NCKAP5: variants seen among roughly 807,000 people sequenced by gnomAD.
NCKAP5 encodes the protein NCK associated protein 5.
In NCKAP5, 92 loss-of-function variants were observed where a neutral mutation model predicts 167.0. That is an observed-to-expected ratio of 0.55 (90% CI 0.47 to 0.66). The LOEUF (loss-of-function observed/expected upper bound fraction) is 0.66, where lower values mean the gene tolerates loss of function less well. Ranked by LOEUF, NCKAP5 falls within the 30% of genes least tolerant of loss-of-function variation. The probability of loss-of-function intolerance (pLI) is 0.00; values close to 1 mark genes in which losing one functional copy is unlikely to be tolerated. For missense variants in NCKAP5, 2,378 were observed against 2,315.0 expected (o/e 1.03, Z -0.56); for synonymous variants, 891 against 877.4 (o/e 1.02, Z -0.27).
intron 6 of NCKAP5, among the ~76,000 whole-genome samples, chr2:133,015,406 C>T (rs1047158698): frequency 2.6e-5 from 4 of 151,796 alleles, no homozygotes; most frequent in Non-Finnish European, 5.9e-5. Flanking sequence ...TTTTTGGTCC[C>T]TATACTAGGA....
At chr2:133,097,884 C>T (rs934441184) in intron 6 of NCKAP5, among the ~76,000 whole-genome samples, 2 of 152,136 alleles carry the variant, frequency 1.3e-5, no homozygotes, top group South Asian at 2.1e-4. Context: ...ATGAGTAATA[C>T]GTGCATTTTC....
chr2:133,463,440 C>T (rs1261173450), intron 3 of NCKAP5, among the ~76,000 whole-genome samples: 2 of 152,118 alleles, frequency 1.3e-5, no homozygotes, highest in African/African-American at 4.8e-5. Flanking sequence ...TTTTCAATTC[C>T]AGGAGCACAT....
At chr2:132,707,319 C>T (rs1688454677) in intron 19 of NCKAP5, among the ~76,000 whole-genome samples, 1 of 152,234 alleles carries the variant, frequency 6.6e-6, no homozygotes, top group African/African-American at 2.4e-5. Flanking sequence ...AGCATTTAGA[C>T]CGGCCTTAGC....
chr2:132,980,877 T>C (rs2077116622), intron 7 of NCKAP5, among the ~76,000 whole-genome samples: 1 of 152,194 alleles, frequency 6.6e-6, no homozygotes, highest in Admixed American at 6.5e-5. Context: ...CTATTTTATA[T>C]CTTAAGGGTA....
At chr2:133,671,214 C>CAAAAAAAAAAAAAAAAAAA in the NCKAP5 span, among the ~76,000 whole-genome samples, 1 of 53,988 alleles carries the variant, frequency 1.9e-5, no homozygotes, top group African/African-American at 6.5e-5. Context: ...GACTCCGTCT[C>CAAAAAAAAAAAAAAAAAAA]AAAAAAAAAA....
intron 1 of NCKAP5, among the ~76,000 whole-genome samples, chr2:133,561,290 T>G (rs1688138605): frequency 6.6e-6 from 1 of 152,202 alleles, no homozygotes. Flanking sequence ...AAGGCAAAGT[T>G]TCACATTATT....
At chr2:133,664,204 A>G in the NCKAP5 span, among the ~76,000 whole-genome samples, 2 of 151,904 alleles carry the variant, frequency 1.3e-5, no homozygotes, top group African/African-American at 4.8e-5. Flanking sequence ...GGCTTAAAAT[A>G]TTTAGTAAGT....
chr2:133,003,042 T>C (rs978538913), intron 6 of NCKAP5, among the ~76,000 whole-genome samples: 1 of 152,142 alleles, frequency 6.6e-6, no homozygotes, highest in African/African-American at 2.4e-5. Context: ...TTTTGTTACG[T>C]TGAATGTCTG....
chr2:133,623,958 C>A, the NCKAP5 span, among the ~76,000 whole-genome samples: 17 of 152,008 alleles, frequency 1.1e-4, no homozygotes, highest in African/African-American at 4.1e-4. Flanking sequence ...TACTACGCAG[C>A]CATAAAAAGG....
intron 6 of NCKAP5, among the ~76,000 whole-genome samples, chr2:132,996,694 T>C (rs1306414883): frequency 6.6e-6 from 1 of 152,252 alleles, no homozygotes. Flanking sequence ...GCCATATATT[T>C]CTAATGTATC....
At chr2:133,307,678 C>T (rs1366470903) in intron 3 of NCKAP5, among the ~76,000 whole-genome samples, 1 of 152,150 alleles carries the variant, frequency 6.6e-6, no homozygotes, top group Admixed American at 6.5e-5. Flanking sequence ...AACAGAAAGA[C>T]ATTCTCAGGC....
intron 11 of NCKAP5, among the ~76,000 whole-genome samples, chr2:132,852,015 G>A (rs1689118979): frequency 6.6e-6 from 1 of 152,210 alleles, no homozygotes; most frequent in South Asian, 2.1e-4. Flanking sequence ...CCAGCGCCAA[G>A]AAATTAATAC....
intron 5 of NCKAP5, among the ~76,000 whole-genome samples, chr2:133,149,947 C>T (rs1418207666): frequency 2.0e-5 from 3 of 152,146 alleles, no homozygotes; most frequent in Non-Finnish European, 2.9e-5. Context: ...ACCCTCACCT[C>T]CAGATGGATG....
At chr2:133,484,816 A>T (rs1290304091) in intron 3 of NCKAP5, among the ~76,000 whole-genome samples, 7 of 152,270 alleles carry the variant, frequency 4.6e-5, no homozygotes, top group Admixed American at 4.6e-4. Context: ...TCAAAAAAAA[A>T]TTGAAATCTG....
At chr2:133,455,068 C>T (rs532886827) in intron 3 of NCKAP5, among the ~76,000 whole-genome samples, 32 of 152,144 alleles carry the variant, frequency 2.1e-4, no homozygotes, top group East Asian at 1.3e-3. Context: ...AGATGAAACA[C>T]GATTTTCTAC....
chr2:133,481,042 G>A (rs892597016), intron 3 of NCKAP5, among the ~76,000 whole-genome samples: 1 of 152,094 alleles, frequency 6.6e-6, no homozygotes, highest in African/African-American at 2.4e-5. Context: ...ATTTCAAATA[G>A]ACCTATATCA....
intron 3 of NCKAP5, among the ~76,000 whole-genome samples, chr2:133,405,212 T>G (rs759685837): frequency 2.1e-4 from 32 of 152,346 alleles, no homozygotes; most frequent in Middle Eastern, 3.4e-3. Context: ...ATAACCTTGT[T>G]TTGTGTGTGT....
intron 6 of NCKAP5, among the ~76,000 whole-genome samples, chr2:133,022,536 G>T (rs548957129): frequency 3.9e-4 from 59 of 152,040 alleles, no homozygotes; most frequent in Non-Finnish European, 3.7e-4. Context: ...CTCCTCTCTG[G>T]GAATCTTATC....
intron 6 of NCKAP5, among the ~76,000 whole-genome samples, chr2:133,015,138 C>T (rs1329822877): frequency 3.3e-5 from 5 of 152,120 alleles, no homozygotes; most frequent in Non-Finnish European, 7.4e-5. Context: ...TGAGCACTTG[C>T]CATATACCAA....
Sources: allele counts gnomAD v4.1 joint callset (sites outside exome capture counted in the v4.1 genomes callset), GRCh38; gene constraint gnomAD v4.1.1; transcripts MANE v1.5; gene names NCBI Gene and HGNC (gene_info 2026-07-23, HGNC 2026-07-21).